Variants in KANSL1L observed in about 807,000 individuals in gnomAD.
KANSL1L encodes KAT8 regulatory NSL complex subunit 1-like protein.
Under a neutral mutation model 108.6 loss-of-function variants are expected in KANSL1L, and 25 were observed. The ratio of observed to expected loss-of-function variants is 0.23; its 90% CI spans 0.17 to 0.32. KANSL1L has a LOEUF of 0.32. KANSL1L is among the 10% of genes least tolerant of loss of function. The probability of loss-of-function intolerance (pLI) is 1.00; values close to 1 mark genes in which losing one functional copy is unlikely to be tolerated. For synonymous variants in KANSL1L, 405 were observed against 395.1 expected (o/e 1.03, Z -0.30); for missense variants, 1,137 against 1,125.7 (o/e 1.01, Z -0.14).
intron 5 of KANSL1L, among the ~76,000 whole-genome samples, chr2:210,085,450 A>G (rs998504471): frequency 6.6e-6 from 1 of 152,176 alleles, no homozygotes; most frequent in African/African-American, 2.4e-5. Context: ...ATAAAGGCAA[A>G]GAGACGAGGA....
chr2:210,158,599 A>G (rs1038178065), intron 1 of KANSL1L, among the ~76,000 whole-genome samples: 1 of 152,158 alleles, frequency 6.6e-6, no homozygotes, highest in African/African-American at 2.4e-5. Context: ...TTGGATATGA[A>G]GACTTTTAAG....
chr2:210,040,003 T>C (rs1193172821), intron 8 of KANSL1L, among the ~76,000 whole-genome samples: 3 of 151,868 alleles, frequency 2.0e-5, no homozygotes, highest in Admixed American at 1.3e-4. Context: ...AAACTTTTTA[T>C]AATAATTCCT....
At chr2:210,136,925 G>C (rs1246483121) in intron 2 of KANSL1L, among the ~76,000 whole-genome samples, 1 of 152,066 alleles carries the variant, frequency 6.6e-6, no homozygotes, top group African/African-American at 2.4e-5. Context: ...AAAATAGTTA[G>C]ACTTATTGTG....
intron 6 of KANSL1L, among the ~76,000 whole-genome samples, chr2:210,063,185 T>G (rs182732049): frequency 1.3e-5 from 2 of 152,230 alleles, no homozygotes; most frequent in Admixed American, 6.5e-5. Flanking sequence ...CTTGGCAGTT[T>G]CCATGTGGTG....
chr2:210,078,753 G>C (rs545645503), intron 5 of KANSL1L, among the ~76,000 whole-genome samples: 1 of 152,100 alleles, frequency 6.6e-6, no homozygotes, highest in Non-Finnish European at 1.5e-5. Flanking sequence ...TTTTGAGGAA[G>C]ACAACACAAG....
chr2:210,033,770 C>T (rs1251446893), intron 8 of KANSL1L, among the ~76,000 whole-genome samples: 1 of 150,852 alleles, frequency 6.6e-6, no homozygotes, highest in African/African-American at 2.4e-5. Context: ...GATCTCCTCA[C>T]CTCGTGATCC....
chr2:210,147,889 C>T (rs115360970), intron 2 of KANSL1L, among the ~76,000 whole-genome samples: 2,564 of 152,198 alleles, frequency 0.017, 79 homozygotes, highest in African/African-American at 0.059. Context: ...TTTCCATTGG[C>T]AAAGCAGGAA....
At chr2:210,084,835 C>T (rs762993815) in intron 5 of KANSL1L, among the ~76,000 whole-genome samples, 3 of 152,154 alleles carry the variant, frequency 2.0e-5, no homozygotes, top group Non-Finnish European at 4.4e-5. Context: ...TGGTCTCGAT[C>T]TCTTGACCTC....
intron 2 of KANSL1L, among the ~76,000 whole-genome samples, chr2:210,137,874 CA>C (rs2095188986): frequency 6.6e-6 from 1 of 151,930 alleles, no homozygotes; most frequent in African/African-American, 2.4e-5. Context: ...CTACAAAAAA[CA>C]GAAAAATTAG....
In KANSL1L at chr2:210,158,214, A is replaced by C. The variant is rs190332910; in HGVS notation, c.-29-3603T>G. Reference sequence around the variant, plus strand: ...AGGTGATAAGATGACTTCTGAGATTAGGTAACAAAGAGACTGTGGCTTCCA... The same window carrying C: ...AGGTGATAAGATGACTTCTGAGATTCGGTAACAAAGAGACTGTGGCTTCCA... On this transcript the variant is annotated intron_variant, in intron 1 of 14. Transcript: ENST00000281772. 3.9e-5 allele frequency among the ~76,000 whole-genome samples: 6 copies of C among 152,334 alleles called. No homozygotes were observed. In the East Asian group the frequency reaches 1.2e-3, roughly 29 times the overall value.
chr2:210,027,975 T>A (rs1025655521), intron 11 of KANSL1L, among the ~76,000 whole-genome samples: 18 of 152,200 alleles, frequency 1.2e-4, no homozygotes, highest in African/African-American at 3.1e-4. Flanking sequence ...GAAATTAGAA[T>A]AGAGATGTAT....
intron 1 of KANSL1L, among the ~76,000 whole-genome samples, chr2:210,155,752 T>C (rs1389652057): frequency 2.0e-5 from 3 of 152,248 alleles, no homozygotes; most frequent in South Asian, 2.1e-4. Context: ...AATAATTTTA[T>C]GTCATTAACA....
intron 2 of KANSL1L, among the ~76,000 whole-genome samples, chr2:210,135,477 T>C (rs578230374): frequency 1.3e-5 from 2 of 152,258 alleles, no homozygotes; most frequent in Admixed American, 1.3e-4. Flanking sequence ...CAGCCTTACT[T>C]GCAGTTAGGT....
At chr2:210,083,908 T>C (rs2094612581) in intron 5 of KANSL1L, among the ~76,000 whole-genome samples, 1 of 151,556 alleles carries the variant, frequency 6.6e-6, no homozygotes, top group African/African-American at 2.4e-5. Flanking sequence ...TATCCTCCAA[T>C]TGGCAAAAGT....
chr2:210,146,050 G>C (rs2095263451), intron 2 of KANSL1L, among the ~76,000 whole-genome samples: 1 of 152,122 alleles, frequency 6.6e-6, no homozygotes, highest in African/African-American at 2.4e-5. Flanking sequence ...CCACAGTGGT[G>C]ATGACTGTTG....
intron 4 of KANSL1L, among the ~76,000 whole-genome samples, chr2:210,099,739 G>A (rs866523789): frequency 2.0e-5 from 3 of 152,204 alleles, no homozygotes; most frequent in African/African-American, 7.2e-5. Context: ...TTGGATATAT[G>A]TGAATAATGG....
intron 5 of KANSL1L, among the ~76,000 whole-genome samples, chr2:210,092,714 T>C (rs2094702635): frequency 6.6e-6 from 1 of 152,226 alleles, no homozygotes; most frequent in South Asian, 2.1e-4. Context: ...TATATTTGCC[T>C]GTTTGTTAAT....
At position 210,026,936 on chromosome 2, in the gene KANSL1L, A is replaced by G. The variant is rs945675990; in HGVS notation, c.2451+360T>C. 2.6e-5 allele frequency among the ~76,000 whole-genome samples: 4 copies of G among 151,630 alleles called. No homozygotes were observed. In the South Asian group the frequency reaches 6.2e-4, roughly 24 times the overall value. On this transcript the variant is annotated intron_variant, in intron 12 of 14. Transcript: ENST00000281772. ...CAGGTGCCCACCACCACGCCCGACT[A>G]ATTTTTTTGTATTTTTAGTAGAGAC...
intron 1 of KANSL1L, 76 bp from the exon 2 acceptor site, chr2:210,154,687 T>C (rs1177408322): frequency 6.1e-6 from 5 of 817,056 alleles, no homozygotes; most frequent in Non-Finnish European, 6.9e-6. Context: ...AAGGGCAACA[T>C]GTTCAATGTT....
Sources: gnomAD v4.1 joint callset for allele counts (sites outside exome capture counted in the v4.1 genomes callset) on GRCh38, gnomAD v4.1.1 for gene constraint, MANE v1.5 for transcripts, NCBI Gene and HGNC (gene_info 2026-07-23, HGNC 2026-07-21) for gene names.